The following CARD14 variants were observed in gnomAD, a reference collection of about 807,000 sequenced individuals.
The protein encoded by CARD14 is caspase recruitment domain-containing protein 14.
CARD14 carries 107 observed loss-of-function variants against 111.5 expected under a neutral mutation model. That is an observed-to-expected ratio of 0.96 (90% confidence interval 0.82 to 1.13). CARD14 has a LOEUF of 1.13. Ranked by LOEUF, CARD14 falls within the 50% of genes most tolerant of loss-of-function variation. The pLI is 0.00. For synonymous variants in CARD14, 617 were observed against 579.6 expected, an observed-to-expected ratio of 1.06 and a Z score of -0.93; for missense variants, 1,322 against 1,362.3, an observed-to-expected ratio of 0.97 and a Z score of 0.47.
Position 80,204,212 on chromosome 17 carries a change from C to A in CARD14, c.2284-15C>A. On this transcript the variant is annotated splice_polypyrimidine_tract_variant and intron_variant, in intron 19 of 23. Transcript: ENST00000648509. ...TCAACAGCTCCTCCTCATCCTTTCT[C>A]TGTCCCTCCTTTAGCCATCTTCTGG... The A allele has an allele frequency of 1.3e-6, 2 of 1,574,432 alleles. No individual in the cohort carries two copies. The highest frequency in any genetic ancestry group is 2.3e-5 in the South Asian group (2 of 87,358).
intron 1 of CARD14, among the ~76,000 whole-genome samples, chr17:80,171,042 C>T (rs1405018874): frequency 2.0e-5 from 3 of 151,180 alleles, no homozygotes; most frequent in African/African-American, 7.3e-5. Context: ...GGTTTTGTCA[C>T]GTTGGCTAGG....
intron 2 of CARD14, among the ~76,000 whole-genome samples, chr17:80,173,730 C>G (rs2039963488): frequency 1.3e-5 from 2 of 151,544 alleles, no homozygotes; most frequent in Non-Finnish European, 2.9e-5. Flanking sequence ...TCCCAAGTAG[C>G]TGGGATTACA....
chr17:80,183,139 G>A (rs1197840447), intron 6 of CARD14, among the ~76,000 whole-genome samples: 1 of 152,224 alleles, frequency 6.6e-6, no homozygotes, highest in African/African-American at 2.4e-5. Flanking sequence ...CTTTGCTGGA[G>A]GGGCCAGAAC....
Position 80,202,318 on chromosome 17 carries a change from C to A in CARD14, c.2117C>A (p.Thr706Asn). 1 of 1,613,720 alleles carries A rather than the reference C, an allele frequency of 6.2e-7. No individual in the cohort carries two copies. The highest frequency in any genetic ancestry group is 8.5e-7 in the Non-Finnish European group (1 of 1,180,024). Reference sequence around the variant, plus strand: ...CATTGCAACGAGGTCCTGCACGTCACCGACACCATGTTCCAGGGCTGCGGC... The same window carrying A: ...CATTGCAACGAGGTCCTGCACGTCAACGACACCATGTTCCAGGGCTGCGGC... The part of the protein sequence containing the change: ...QVHCNEVLHV[T>N]DTMFQGCGCW... The change falls in exon 18 of 24, where the codon ACC becomes AAC. Residue 706 changes from threonine to asparagine, a missense_variant. Physicochemically the swap from Thr to Asn is moderately conservative, Grantham distance 65. Transcript: ENST00000648509.
At position 80,189,974 on chromosome 17, in the gene CARD14, C is replaced by A; in HGVS notation, c.963+102C>A. On this transcript the variant is annotated intron_variant, in intron 9 of 23. Coordinates refer to ENST00000648509, the MANE Select transcript of CARD14 (RefSeq NM_001366385.1). The surrounding 1 kb of genome is among the most constrained non-coding windows in gnomAD (Gnocchi z 4.7). ...CAGATTCCTTCATCCACGCCGAGCTCACATAATTTTGCTGAACGAATCTGT... is the reference window on the plus strand; with the variant it reads ...CAGATTCCTTCATCCACGCCGAGCTAACATAATTTTGCTGAACGAATCTGT... 6.8e-7 allele frequency: 1 copy of A among 1,465,332 alleles called. No individual in the cohort carries two copies. Among genetic ancestry groups the A allele is most frequent in the South Asian group, 1.4e-5 (1 of 73,078 alleles). The allele number at this position is 1,465,332 out of a possible 1,614,324, so 90.8% of individuals were successfully genotyped here.
chr17:80,193,834 C>T (rs1395305850), intron 12 of CARD14, among the ~76,000 whole-genome samples: 1 of 152,130 alleles, frequency 6.6e-6, no homozygotes, highest in African/African-American at 2.4e-5. Context: ...TCAACTGAAT[C>T]GACTCTCGCA....
rs77776426 is a variant in CARD14 at position 80,182,175 on chromosome 17, T to C, written c.212-478T>C. Among the ~76,000 whole-genome samples, 925 of 152,268 alleles carry C rather than the reference T, an allele frequency of 6.1e-3. 12 individuals carry two copies. The highest frequency in any genetic ancestry group is 0.021 in the African/African-American group (881 of 41,550). ...CGCTGGTCATTCTGGCTGAGAGAGA[T>C]GGGCTCTGGGCCCTGGGCGTGGAAG... On this transcript the variant is annotated intron_variant, in intron 5 of 23. Coordinates refer to ENST00000648509, the MANE Select transcript of CARD14 (RefSeq NM_001366385.1). The surrounding 1 kb of genome is among the most constrained non-coding windows in gnomAD (Gnocchi z 4.7).
At position 80,191,439 on chromosome 17, in the gene CARD14, G is replaced by C. The variant is rs1429329304; in HGVS notation, c.1206G>C (p.Gln402His). The part of the protein sequence containing the change: ...LTDQVCELRT[Q>H]LRQLQAEPPG... Reference sequence around the variant, plus strand: ...ACCAGGTCTGCGAGCTGCGCACACAGCTTCGCCAGCTGCAGGCAGAGCCTC... The same window carrying C: ...ACCAGGTCTGCGAGCTGCGCACACACCTTCGCCAGCTGCAGGCAGAGCCTC... Residue 402 changes from glutamine to histidine, a missense_variant, in exon 11 of 24, where the codon CAG becomes CAC. Coordinates refer to ENST00000648509, the MANE Select transcript of CARD14 (RefSeq NM_001366385.1). 6.2e-7 allele frequency: 1 copy of C among 1,613,054 alleles called. No individual in the cohort carries two copies. Among genetic ancestry groups the C allele is most frequent in the Non-Finnish European group, 8.5e-7 (1 of 1,179,572 alleles).
Position 80,209,203 on chromosome 17 carries a change from C to A in CARD14, c.*858C>A, listed in dbSNP as rs1233042368. 1.5e-6 allele frequency: 1 copy of A among 667,952 alleles called. No individual in the cohort carries two copies. Among genetic ancestry groups the A allele is most frequent in the African/African-American group, 2.0e-5 (1 of 50,882 alleles). 41.4% of individuals were successfully genotyped at this position (667,952 alleles called of 1,614,324 possible). A position where few individuals can be genotyped will look rare whatever the true frequency, so the allele number is the denominator to read the frequency against. On this transcript the variant is annotated 3_prime_UTR_variant, in exon 24 of 24. Transcript: ENST00000648509. ...CCCTGCCTCCTGGGGCTGTTGCAGA[C>A]TGAATGTCATTTTGACAGCAGTGTC... is the stretch of plus-strand genomic sequence containing the variant.
At position 80,198,740 on chromosome 17, in the gene CARD14, G is replaced by C; in HGVS notation, c.1851+149G>C. 1 of 1,544,342 alleles carries C rather than the reference G, an allele frequency of 6.5e-7. No individual in the cohort carries two copies. Among genetic ancestry groups the C allele is most frequent in the Non-Finnish European group, 8.7e-7 (1 of 1,148,058 alleles). On this transcript the variant is annotated intron_variant, in intron 16 of 23. Transcript: ENST00000648509. This position sits in a 1 kb window ranked among gnomAD's most constrained non-coding sequence, Gnocchi z 7.5. ...GCTCTTTCCTGGGCTGACGTAAAGC[G>C]TTCTGCTCATTTATAGATGAGAGTC...
chr17:80,176,352 A>G (rs1262770254), intron 2 of CARD14, among the ~76,000 whole-genome samples: 1 of 150,084 alleles, frequency 6.7e-6, no homozygotes, highest in East Asian at 2.0e-4. Context: ...AAGGTAGAGG[A>G]TCACTTAAGC....
intron 9 of CARD14, 108 bp from the exon 10 acceptor site, chr17:80,190,666 T>A (rs2040496392): frequency 1.2e-5 from 13 of 1,122,240 alleles, no homozygotes; most frequent in African/African-American, 1.6e-5. Flanking sequence ...CCTTATTTCA[T>A]CCCTAGAACT....
At position 80,203,672 on chromosome 17, in the gene CARD14, C is replaced by A; in HGVS notation, c.2220-150C>A. On this transcript the variant is annotated intron_variant, in intron 18 of 23. Transcript: ENST00000648509. The surrounding 1 kb of genome is among the most constrained non-coding windows in gnomAD (Gnocchi z 4.6). ...GGCATGGCCGCCAGGATGGAGCGCT[C>A]CAGCCTGCAGCAAAGGGATGTGTGG... 3 of 596,748 alleles carry A rather than the reference C, an allele frequency of 5.0e-6. No homozygotes were observed. Among genetic ancestry groups the A allele is most frequent in the African/African-American group, 1.9e-5 (1 of 52,664 alleles). The allele number at this position is 596,748 out of a possible 1,614,324, so 37.0% of individuals were successfully genotyped here.
At chr17:80,171,301 T>C (rs571699310) in intron 1 of CARD14, among the ~76,000 whole-genome samples, 64 of 148,496 alleles carry the variant, frequency 4.3e-4, no homozygotes, top group African/African-American at 1.4e-3. Flanking sequence ...CTTTCTTTCT[T>C]TCTCTCTCTC....
chr17:80,190,569 C>T lies in CARD14; in HGVS notation c.964-205C>T, dbSNP rs1475117615. Among the ~76,000 whole-genome samples, 12 of 150,804 alleles carry T rather than the reference C, an allele frequency of 8.0e-5. No homozygotes were observed. The East Asian group carries it at 1.8e-3, about 22-fold the overall frequency. The stretch of plus-strand genomic sequence containing the variant: ...CAGAGGTTGCAGCGAGCCGAGATTG[C>T]GCCATTGCACTCCAGCCTTGGCATC... On this transcript the variant is annotated intron_variant, in intron 9 of 23. Coordinates refer to ENST00000648509, the MANE Select transcript of CARD14 (RefSeq NM_001366385.1).
chr17:80,180,569 A>G (rs1281182343), intron 4 of CARD14, among the ~76,000 whole-genome samples: 1 of 152,074 alleles, frequency 6.6e-6, no homozygotes, highest in African/African-American at 2.4e-5. Context: ...AGTTGAAAAC[A>G]ATGGGAACTT....
At chr17:80,171,360 C>A (rs1000647163) in intron 1 of CARD14, among the ~76,000 whole-genome samples, 1 of 150,378 alleles carries the variant, frequency 6.6e-6, no homozygotes, top group Non-Finnish European at 1.5e-5. Flanking sequence ...GCTCTGTCAC[C>A]CAGGCTGGAG....
intron 14 of CARD14, chr17:80,196,368 G>A (rs982649277): frequency 6.6e-6 from 1 of 152,178 alleles, no homozygotes; most frequent in Non-Finnish European, 1.5e-5. Context: ...ATTTATAATC[G>A]TGATAAATCG....
rs1046769249 is a variant in CARD14 at position 80,201,735 on chromosome 17, T to A, written c.1852-9T>A. 3 of 1,613,976 alleles carry A rather than the reference T, an allele frequency of 1.9e-6. No individual in the cohort carries two copies. Among genetic ancestry groups the A allele is most frequent in the Non-Finnish European group, 2.5e-6 (3 of 1,179,964 alleles). On this transcript the variant is annotated splice_polypyrimidine_tract_variant and intron_variant, in intron 16 of 23. Coordinates refer to ENST00000648509, the MANE Select transcript of CARD14 (RefSeq NM_001366385.1). This position sits in a 1 kb window ranked among gnomAD's most constrained non-coding sequence, Gnocchi z 5.0. ...GGGAAAGAGACTGACCTTCTCGACT[T>A]GCCCTCAGGTTGATTACGAAGCCTC...
Sources: gnomAD v4.1 joint callset for allele counts (sites outside exome capture counted in the v4.1 genomes callset) on GRCh38, gnomAD v4.1.1 for gene constraint, Gnocchi (gnomAD v3.1) non-coding constraint, MANE v1.5 for transcripts, NCBI Gene and HGNC (gene_info 2026-07-23, HGNC 2026-07-21) for gene names.